Variants in REPS2 observed in about 807,000 individuals in gnomAD.
The protein encoded by REPS2 is ralBP1-associated Eps domain-containing protein 2.
Under a neutral mutation model 53.6 loss-of-function variants are expected in REPS2, and 23 were observed. That is an observed-to-expected ratio of 0.43 (90% CI 0.31 to 0.61). The LOEUF (loss-of-function observed/expected upper bound fraction) is 0.61, where lower values mean the gene tolerates loss of function less well. Among genes scored for constraint, REPS2 ranks in the 20% least tolerant of loss-of-function variants. The probability of loss-of-function intolerance (pLI) is 0.11; values close to 1 mark genes in which losing one functional copy is unlikely to be tolerated. For missense variants in REPS2, 446 were observed against 534.9 expected, an observed-to-expected ratio of 0.83 and a Z score of 1.64; for synonymous variants, 238 against 218.6, an observed-to-expected ratio of 1.09 and a Z score of -0.78.
In REPS2 at chrX:17,141,062, G is replaced by A. The variant is rs191843624; in HGVS notation, c.1914+2101G>A. 2.6e-3 allele frequency among the ~76,000 whole-genome samples: 288 copies of A among 111,753 alleles called. 1 individual carries two copies. Among genetic ancestry groups the A allele is most frequent in the African/African-American group, 9.0e-3 (278 of 30,773 alleles). On this transcript the variant is annotated intron_variant, in intron 17 of 17. Coordinates refer to ENST00000357277, the MANE Select transcript of REPS2 (RefSeq NM_004726.3). Reference sequence around the variant, plus strand: ...TGGGATTACAGGCGTGAGCCACCGCGCCAGCGCACGCACAAACCTTAAGTG... The same window carrying A: ...TGGGATTACAGGCGTGAGCCACCGCACCAGCGCACGCACAAACCTTAAGTG...
chrX:16,996,248 A>G (rs992745895), intron 1 of REPS2, among the ~76,000 whole-genome samples: 3 of 111,798 alleles, frequency 2.7e-5, no homozygotes, highest in African/African-American at 9.8e-5. Flanking sequence ...TCATGGAAAG[A>G]GGTCAGTCTG....
intron 14 of REPS2, among the ~76,000 whole-genome samples, chrX:17,110,416 G>A (rs1258403789): frequency 1.9e-5 from 2 of 105,380 alleles, no homozygotes; most frequent in Non-Finnish European, 3.9e-5. Context: ...TTTCCTTTGA[G>A]TGTCATGTTG....
chrX:17,099,846 A>G (rs2062761628), intron 13 of REPS2: 1 of 604,579 alleles, frequency 1.7e-6, no homozygotes, highest in Non-Finnish European at 2.9e-6. Context: ...GGATATGACA[A>G]CCCGTGGGCA....
At chrX:17,154,839 C>T (rs934217580), downstream of REPS2, among the ~76,000 whole-genome samples, 5 of 111,955 alleles carry the variant, frequency 4.5e-5, no homozygotes, top group South Asian at 1.9e-3. Flanking sequence ...ACAGTATGTA[C>T]CAGAAGACGC....
chrX:17,135,722 A>C (rs886929889), intron 16 of REPS2: 1 of 221,159 alleles, frequency 4.5e-6, no homozygotes, highest in African/African-American at 2.9e-5. Flanking sequence ...TTTCCTGGCA[A>C]GATGAAAGTA....
chrX:17,181,138 G>A, the REPS2 span, among the ~76,000 whole-genome samples: 2 of 112,842 alleles, frequency 1.8e-5, no homozygotes, highest in East Asian at 5.6e-4. Context: ...TAGACTAGAA[G>A]CCCTGGAGAC....
At chrX:17,090,542 T>A (rs1286236997) in intron 13 of REPS2, among the ~76,000 whole-genome samples, 1 of 112,057 alleles carries the variant, frequency 8.9e-6, no homozygotes, top group Non-Finnish European at 1.9e-5. Context: ...CCAAACCATG[T>A]CAGATGTCTA....
rs554195146 is a variant in REPS2 at position 16,952,270 on chromosome X, C to A, written c.273+5136C>A. On this transcript the variant is annotated intron_variant, in intron 1 of 17. Coordinates refer to ENST00000357277, the MANE Select transcript of REPS2 (RefSeq NM_004726.3). ...AGGCCCCGGTGTGTGATGTTTCCCT[C>A]CCTGTGTCCATGTTTTCTCATTGTT... 4.5e-4 allele frequency among the ~76,000 whole-genome samples: 50 copies of A among 111,470 alleles called. 1 individual carries two copies. The South Asian group carries it at 0.018, about 41-fold the overall frequency.
At chrX:17,067,818 G>C (rs1790688701) in intron 9 of REPS2, among the ~76,000 whole-genome samples, 1 of 111,821 alleles carries the variant, frequency 8.9e-6, no homozygotes, top group Non-Finnish European at 1.9e-5. Flanking sequence ...ATGGACCAGA[G>C]TTGCTATGCA....
At chrX:16,949,917 C>T (rs997362189) in intron 1 of REPS2, among the ~76,000 whole-genome samples, 1 of 111,196 alleles carries the variant, frequency 9.0e-6, no homozygotes, top group African/African-American at 3.3e-5. Context: ...TTAGGGCTCA[C>T]TCTTGGTGTT....
At chrX:17,185,493 C>T in the REPS2 span, among the ~76,000 whole-genome samples, 52 of 111,737 alleles carry the variant, frequency 4.7e-4, no homozygotes, top group African/African-American at 1.7e-3. Context: ...AACTTTGGCC[C>T]TGGTCCATGG....
the REPS2 span, among the ~76,000 whole-genome samples, chrX:17,177,599 C>T: frequency 9.0e-6 from 1 of 111,521 alleles, no homozygotes; most frequent in Non-Finnish European, 1.9e-5. Context: ...AGGTCTGAGG[C>T]TCTTAAGCAA....
At chrX:17,068,280 C>T (rs1301175314) in intron 9 of REPS2, 122 bp from the exon 10 acceptor site, 1 of 416,027 alleles carries the variant, frequency 2.4e-6, no homozygotes, top group African/African-American at 2.6e-5. Flanking sequence ...CGCCACTGCA[C>T]TCCAGCCTGG....
chrX:17,183,928 C>T, the REPS2 span, among the ~76,000 whole-genome samples: 1 of 111,891 alleles, frequency 8.9e-6, no homozygotes, highest in East Asian at 2.8e-4. Context: ...TAACTGGCTC[C>T]TTCCTTTCAT....
chrX:17,050,194 C>CTTTTCTTTTCT (rs1555926833), intron 6 of REPS2, among the ~76,000 whole-genome samples: 3 of 51,794 alleles, frequency 5.8e-5, no homozygotes, highest in Non-Finnish European at 9.3e-5. Context: ...TTCTTTCTTT[C>CTTTTCTTTTCT]TTTTTTTTTT....
chrX:17,013,624 C>T (rs1230266847), intron 2 of REPS2, among the ~76,000 whole-genome samples: 1 of 100,173 alleles, frequency 1.0e-5, no homozygotes, highest in Non-Finnish European at 2.0e-5. Context: ...GTAGCTGGCT[C>T]TGTGTGTGTG....
In REPS2 at chrX:17,012,293, C is replaced by T. The variant is rs112442885; in HGVS notation, c.397+5949C>T. Among the ~76,000 whole-genome samples the T allele has an allele frequency of 4.9e-3, 541 of 109,633 alleles. 3 individuals are homozygous for T. The highest frequency in any genetic ancestry group is 0.017 in the African/African-American group (517 of 30,015). Reference sequence around the variant, plus strand: ...ACTCAGGAGGCTGAGGCAGGAGAATCACTTGAACCCGGGAGGCGGAGGTTG... The same window carrying T: ...ACTCAGGAGGCTGAGGCAGGAGAATTACTTGAACCCGGGAGGCGGAGGTTG... On this transcript the variant is annotated intron_variant, in intron 2 of 17. Coordinates refer to ENST00000357277, the MANE Select transcript of REPS2 (RefSeq NM_004726.3).
At chrX:17,103,812 C>A in intron 14 of REPS2, 33 bp downstream of exon 14, 1 of 1,162,842 alleles carries the variant, frequency 8.6e-7, no homozygotes, top group Non-Finnish European at 1.2e-6. Context: ...GTAAACTGTT[C>A]GGTGGTAGGG....
At position 16,980,807 on chromosome X, in the gene REPS2, C is replaced by T. The variant is rs141941383; in HGVS notation, c.274-25414C>T. 4.9e-3 allele frequency among the ~76,000 whole-genome samples: 555 copies of T among 112,165 alleles called. 5 individuals carry two copies. Among genetic ancestry groups the T allele is most frequent in the African/African-American group, 0.016 (508 of 30,884 alleles). ...CTGCCAAAGCGTCCATGGCACAGGA[C>T]GTTAAGAACCCTGTTCCAAATGGAA... On this transcript the variant is annotated intron_variant, in intron 1 of 17. Transcript: ENST00000357277.
Sources: allele counts gnomAD v4.1 joint callset (sites outside exome capture counted in the v4.1 genomes callset), GRCh38; gene constraint gnomAD v4.1.1; transcripts MANE v1.5; gene names NCBI Gene and HGNC (gene_info 2026-07-23, HGNC 2026-07-21).